The following SLAIN1 variants were observed in gnomAD, a reference collection of about 807,000 sequenced individuals.
The protein encoded by SLAIN1 is SLAIN family member 1.
In SLAIN1, 17 loss-of-function variants were observed where a neutral mutation model predicts 55.4. The observed-to-expected ratio is 0.31, with a 90% CI of 0.21 to 0.46. The LOEUF (loss-of-function observed/expected upper bound fraction) is 0.46. SLAIN1 is among the 20% of genes least tolerant of loss of function. The probability of loss-of-function intolerance (pLI) is 1.00; values close to 1 mark genes in which losing one functional copy is unlikely to be tolerated. For synonymous variants in SLAIN1, 348 were observed against 337.4 expected (o/e 1.03, Z -0.35); for missense variants, 682 against 785.1 (o/e 0.87, Z 1.57).
At chr13:77,707,262 C>T (rs940358343) in intron 1 of SLAIN1, among the ~76,000 whole-genome samples, 4 of 151,942 alleles carry the variant, frequency 2.6e-5, no homozygotes, top group African/African-American at 9.7e-5. Context: ...ACTTGATATT[C>T]CAAACTCATT....
At chr13:77,708,103 G>T (rs2091108552) in intron 1 of SLAIN1, among the ~76,000 whole-genome samples, 1 of 152,200 alleles carries the variant, frequency 6.6e-6, no homozygotes, top group Non-Finnish European at 1.5e-5. Flanking sequence ...ATCTCCATAA[G>T]TGAACATGGC....
chr13:77,698,967 GT>G lies in SLAIN1; in HGVS notation c.626+432del. On this transcript the variant is annotated intron_variant, in intron 1 of 6. Coordinates refer to ENST00000418532, the MANE Select transcript of SLAIN1 (RefSeq NM_001242868.2). The surrounding 1 kb of genome is among the most constrained non-coding windows in gnomAD (Gnocchi z 4.1). ...TGTCTGCGACTGTTACTGTTCTTTCGTTTTAAACGAACGCTGGACAGGATTT... is the reference window on the plus strand; with the variant it reads ...TGTCTGCGACTGTTACTGTTCTTTCGTTTAAACGAACGCTGGACAGGATTT... 6.5e-7 allele frequency: 1 copy of G among 1,534,424 alleles called. No homozygotes were observed. The highest frequency in any genetic ancestry group is 1.2e-5 in the South Asian group (1 of 83,968).
chr13:77,763,064 TG>T, intron 6 of SLAIN1, 80 bp from the exon 7 acceptor site: 1 of 1,178,586 alleles, frequency 8.5e-7, no homozygotes, highest in Non-Finnish European at 1.3e-6. Context: ...AGAACATAGA[TG>T]GGAGAGTAGG....
chr13:77,698,777 C>T lies in SLAIN1; in HGVS notation c.626+238C>T, dbSNP rs1566214984. On this transcript the variant is annotated intron_variant, in intron 1 of 6. Transcript: ENST00000418532. The surrounding 1 kb of genome is among the most constrained non-coding windows in gnomAD (Gnocchi z 4.1). ...CTCCGACTGCGGATGAACCGGCCCC[C>T]CCTTCCCCCCATCTGCCATGGGTTC... The T allele has an allele frequency of 3.3e-6, 4 of 1,229,810 alleles. No individual in the cohort carries two copies. Among genetic ancestry groups the T allele is most frequent in the East Asian group, 5.2e-5 (2 of 38,342 alleles). 76.2% of individuals were successfully genotyped at this position (1,229,810 alleles called of 1,614,324 possible). A position where few individuals can be genotyped will look rare whatever the true frequency, so the allele number is the denominator to read the frequency against.
At chr13:77,714,685 T>G (rs1403722645) in intron 1 of SLAIN1, among the ~76,000 whole-genome samples, 1 of 152,210 alleles carries the variant, frequency 6.6e-6, no homozygotes, top group Non-Finnish European at 1.5e-5. Context: ...TTTATTGGAA[T>G]ACAATTAATA....
At chr13:77,739,199 A>G (rs1422836471) in intron 2 of SLAIN1, among the ~76,000 whole-genome samples, 1 of 152,082 alleles carries the variant, frequency 6.6e-6, no homozygotes, top group Non-Finnish European at 1.5e-5. Flanking sequence ...TTTCACCGAG[A>G]TTTTAGCTGG....
At position 77,763,165 on chromosome 13, in the gene SLAIN1, C is replaced by G; in HGVS notation, c.1718C>G (p.Pro573Arg). The G allele has an allele frequency of 6.2e-7, 1 of 1,614,014 alleles. No homozygotes were observed. Among genetic ancestry groups the G allele is most frequent in the Non-Finnish European group, 8.5e-7 (1 of 1,179,938 alleles). ...PVRSFLQPPK[P>R]LSSLSTLRDG... is the part of the protein sequence containing the mutation. ...TTTAGTTTTCTTCAGCCTCCAAAGC[C>G]TCTGTCTTCACTCAGCACTCTGAGG... The change falls in exon 7 of 7, where the codon CCT becomes CGT. Residue 573 changes from proline (P) to arginine (R), a missense_variant. This residue lies in a region of SLAIN1 where 244 missense variants were observed against 295.2 expected (regional missense o/e 0.83). Transcript: ENST00000418532.
At chr13:77,703,250 A>C (rs1594247226) in intron 1 of SLAIN1, among the ~76,000 whole-genome samples, 1 of 152,306 alleles carries the variant, frequency 6.6e-6, no homozygotes, top group East Asian at 1.9e-4. Flanking sequence ...TGTACAAATT[A>C]AGAAAAATTT....
At chr13:77,709,345 T>C (rs1594252931) in intron 1 of SLAIN1, among the ~76,000 whole-genome samples, 1 of 152,134 alleles carries the variant, frequency 6.6e-6, no homozygotes, top group Non-Finnish European at 1.5e-5. Context: ...CTTCAGGATA[T>C]TATCCAGGAG....
At chr13:77,722,125 A>G (rs1036549204) in intron 2 of SLAIN1, among the ~76,000 whole-genome samples, 8 of 152,046 alleles carry the variant, frequency 5.3e-5, no homozygotes, top group African/African-American at 1.9e-4. Flanking sequence ...TCATGAGGAT[A>G]GGAACTGGCA....
At chr13:77,722,773 A>AT (rs1471245957) in intron 2 of SLAIN1, among the ~76,000 whole-genome samples, 1 of 152,122 alleles carries the variant, frequency 6.6e-6, no homozygotes, top group African/African-American at 2.4e-5. Flanking sequence ...TTTGAGACAG[A>AT]TTCTTGCTCT....
intron 2 of SLAIN1, among the ~76,000 whole-genome samples, chr13:77,725,410 G>T (rs1253950137): frequency 6.6e-6 from 1 of 152,090 alleles, no homozygotes; most frequent in African/African-American, 2.4e-5. Flanking sequence ...TAAACAAAGG[G>T]TAAAGCTACC....
Position 77,698,131 on chromosome 13 carries a change from CTGGCCTGCAGCCTT to C in SLAIN1, c.222_235del (p.Leu75SerfsTer33). The stretch of plus-strand genomic sequence containing the variant: ...CCGCCGCCCGCCGCGCCGCCCCCCG[CTGGCCTGCAGCCTT>C]TGGGTCCTCGGAGCCCCCCGGCCGC... On this transcript the variant is annotated frameshift_variant, in exon 1 of 7. Transcript: ENST00000418532. LOFTEE classifies it high-confidence loss of function. This position sits in a 1 kb window ranked among gnomAD's most constrained non-coding sequence, Gnocchi z 4.1. The C allele has an allele frequency of 3.2e-6, 2 of 630,954 alleles. No individual in the cohort carries two copies. Among genetic ancestry groups the C allele is most frequent in the Non-Finnish European group, 3.6e-6 (2 of 558,302 alleles). 39.1% of individuals were successfully genotyped at this position (630,954 alleles called of 1,614,324 possible). A position where few individuals can be genotyped will look rare whatever the true frequency, so the allele number is the denominator to read the frequency against.
intron 1 of SLAIN1, among the ~76,000 whole-genome samples, chr13:77,708,594 T>G (rs554153252): frequency 2.0e-5 from 3 of 152,160 alleles, no homozygotes; most frequent in Non-Finnish European, 4.4e-5. Flanking sequence ...GTTCTGCAGC[T>G]ACTGCTGGTG....
chr13:77,724,284 C>T (rs1459467472), intron 2 of SLAIN1, among the ~76,000 whole-genome samples: 1 of 152,054 alleles, frequency 6.6e-6, no homozygotes, highest in Non-Finnish European at 1.5e-5. Context: ...GTTTTTTTCA[C>T]TTCACCACAA....
At chr13:77,724,037 C>T (rs1169729783) in intron 2 of SLAIN1, among the ~76,000 whole-genome samples, 3 of 152,064 alleles carry the variant, frequency 2.0e-5, no homozygotes, top group African/African-American at 7.2e-5. Context: ...GTGAACAGCA[C>T]AGGTATTAAG....
chr13:77,711,486 C>G (rs181660377), intron 1 of SLAIN1, among the ~76,000 whole-genome samples: 6 of 152,156 alleles, frequency 3.9e-5, no homozygotes, highest in African/African-American at 1.2e-4. Flanking sequence ...AGAAATGGAT[C>G]AATTTCTGGA....
intron 2 of SLAIN1, among the ~76,000 whole-genome samples, chr13:77,729,394 A>G (rs1040424270): frequency 2.0e-5 from 3 of 152,074 alleles, no homozygotes; most frequent in Non-Finnish European, 4.4e-5. Context: ...TTTGTTACCT[A>G]TCTCCACCAA....
chr13:77,720,478 T>C (rs2091251500), intron 2 of SLAIN1, among the ~76,000 whole-genome samples: 1 of 152,208 alleles, frequency 6.6e-6, no homozygotes, highest in South Asian at 2.1e-4. Context: ...GATTCTCATG[T>C]ACACTGATAT....
Sources: allele counts gnomAD v4.1 joint callset (sites outside exome capture counted in the v4.1 genomes callset), GRCh38; gene constraint gnomAD v4.1.1; regional missense constraint gnomAD v4.1.1; non-coding constraint Gnocchi (gnomAD v3.1); transcripts MANE v1.5; gene names NCBI Gene and HGNC (gene_info 2026-07-23, HGNC 2026-07-21).